Variants in SOCS5 observed in about 807,000 individuals in gnomAD.
The protein encoded by SOCS5 is suppressor of cytokine signaling 5.
A neutral mutation model predicts 42.8 loss-of-function variants in SOCS5; 32 were observed. That is an observed-to-expected ratio of 0.75 (90% CI 0.56 to 1.01). The LOEUF is 1.01. SOCS5 is among the 50% of genes least tolerant of loss of function. The pLI, the probability that SOCS5 is intolerant of heterozygous loss-of-function variation, is 0.00. For missense variants in SOCS5, 627 were observed against 653.0 expected (o/e 0.96, Z 0.43); for synonymous variants, 283 against 229.6 (o/e 1.23, Z -2.10).
At chr2:46,754,390 C>T (rs927182055) in intron 1 of SOCS5, among the ~76,000 whole-genome samples, 1 of 152,092 alleles carries the variant, frequency 6.6e-6, no homozygotes, top group Non-Finnish European at 1.5e-5. Flanking sequence ...AGAAGTATTT[C>T]ACTTTTATTG....
At chr2:46,716,046 A>G (rs1268613980) in intron 1 of SOCS5, among the ~76,000 whole-genome samples, 1 of 148,380 alleles carries the variant, frequency 6.7e-6, no homozygotes, top group East Asian at 1.9e-4. Context: ...TTTTTTTGTT[A>G]ATAGCTTCTT....
intron 1 of SOCS5, among the ~76,000 whole-genome samples, chr2:46,708,610 C>T (rs1672546369): frequency 6.6e-6 from 1 of 152,100 alleles, no homozygotes; most frequent in Non-Finnish European, 1.5e-5. Context: ...TAATATTTAC[C>T]TATTACCCAT....
intron 1 of SOCS5, among the ~76,000 whole-genome samples, chr2:46,723,867 A>G (rs941679988): frequency 6.6e-6 from 1 of 152,032 alleles, no homozygotes. Flanking sequence ...AAGAATTGAC[A>G]TCTTTACTGT....
At chr2:46,727,370 T>C (rs1035320593) in intron 1 of SOCS5, among the ~76,000 whole-genome samples, 2 of 152,196 alleles carry the variant, frequency 1.3e-5, no homozygotes, top group African/African-American at 4.8e-5. Context: ...TATTGTCCCA[T>C]GCAAGTTGAT....
chr2:46,721,569 C>T (rs1297342108), intron 1 of SOCS5, among the ~76,000 whole-genome samples: 2 of 152,090 alleles, frequency 1.3e-5, no homozygotes, highest in Non-Finnish European at 2.9e-5. Context: ...GAGCCTAGTG[C>T]TTCCACATTA....
rs189868354 is a variant in SOCS5, at chr2:46,712,686, A to T, written c.-13+13237A>T. On this transcript the variant is annotated intron_variant, in intron 1 of 1. Transcript: ENST00000394861. ...ATGAGTCTGCACTATTGAGACGCTT[A>T]TGTGGTATTTCTTCTTTATTCTATT... Among the ~76,000 whole-genome samples, 15 of 152,278 alleles carry T rather than the reference A, an allele frequency of 9.9e-5. No individual in the cohort carries two copies. In the East Asian group the frequency reaches 2.9e-3, roughly 29 times the overall value.
chr2:46,735,172 T>C (rs1026256306), intron 1 of SOCS5, among the ~76,000 whole-genome samples: 1 of 152,216 alleles, frequency 6.6e-6, no homozygotes, highest in African/African-American at 2.4e-5. Context: ...CTATCAAAGT[T>C]CAGAGTTTGC....
intron 1 of SOCS5, among the ~76,000 whole-genome samples, chr2:46,733,068 T>G (rs941539301): frequency 1.5e-4 from 23 of 151,666 alleles, no homozygotes; most frequent in African/African-American, 5.6e-4. Flanking sequence ...CATACTAGAT[T>G]CCTATTTTTG....
At chr2:46,710,513 G>A (rs977686475) in intron 1 of SOCS5, among the ~76,000 whole-genome samples, 3 of 152,050 alleles carry the variant, frequency 2.0e-5, no homozygotes, top group Non-Finnish European at 2.9e-5. Context: ...TTAAGTGTAT[G>A]TACAGTTGCA....
chr2:46,742,727 G>A lies in SOCS5; in HGVS notation c.-12-15792G>A, dbSNP rs149183192. On this transcript the variant is annotated intron_variant, in intron 1 of 1. Coordinates refer to ENST00000394861, the MANE Select transcript of SOCS5 (RefSeq NM_144949.3). ...GTCACCCAGGCTGGAGTGCAATGGCGCGATCTCGGCTCACTGCATCCTCTG... is the reference window on the plus strand; with the variant it reads ...GTCACCCAGGCTGGAGTGCAATGGCACGATCTCGGCTCACTGCATCCTCTG... Among the ~76,000 whole-genome samples the A allele has an allele frequency of 5.8e-3, 875 of 151,936 alleles. 15 individuals are homozygous for A. Among genetic ancestry groups the A allele is most frequent in the African/African-American group, 0.02 (837 of 41,406 alleles).
intron 1 of SOCS5, among the ~76,000 whole-genome samples, chr2:46,720,427 T>A (rs1672853209): frequency 2.0e-5 from 3 of 152,222 alleles, no homozygotes; most frequent in Admixed American, 2.0e-4. Flanking sequence ...GCATAGATTA[T>A]GTCTTACTGT....
At chr2:46,751,614 CTG>C (rs1407391240) in intron 1 of SOCS5, among the ~76,000 whole-genome samples, 1 of 151,876 alleles carries the variant, frequency 6.6e-6, no homozygotes, top group Non-Finnish European at 1.5e-5. Context: ...TTTAATTATT[CTG>C]TGTGTATATT....
At chr2:46,742,729 G>A (rs1356237193) in intron 1 of SOCS5, among the ~76,000 whole-genome samples, 4 of 151,860 alleles carry the variant, frequency 2.6e-5, no homozygotes, top group Admixed American at 1.3e-4. Flanking sequence ...GCAATGGCGC[G>A]ATCTCGGCTC....
intron 1 of SOCS5, among the ~76,000 whole-genome samples, chr2:46,723,055 G>C (rs960322545): frequency 6.6e-6 from 1 of 151,978 alleles, no homozygotes; most frequent in African/African-American, 2.4e-5. Context: ...CCAGGATACA[G>C]ATCCTGTGTC....
intron 1 of SOCS5, among the ~76,000 whole-genome samples, chr2:46,739,140 C>G (rs1445867015): frequency 1.3e-5 from 2 of 152,096 alleles, no homozygotes; most frequent in Non-Finnish European, 2.9e-5. Flanking sequence ...TTATTTGTGG[C>G]TTTCTCTCTC....
At chr2:46,702,249 C>A (rs1330368676) in intron 1 of SOCS5, among the ~76,000 whole-genome samples, 1 of 152,150 alleles carries the variant, frequency 6.6e-6, no homozygotes, top group African/African-American at 2.4e-5. Flanking sequence ...TTGCTGTACA[C>A]GCACTTTCAA....
At chr2:46,737,285 A>T (rs1673275443) in intron 1 of SOCS5, among the ~76,000 whole-genome samples, 1 of 152,184 alleles carries the variant, frequency 6.6e-6, no homozygotes, top group Non-Finnish European at 1.5e-5. Flanking sequence ...CAATCTGTGA[A>T]TTTCTATTCT....
In SOCS5 at chr2:46,760,543, A is replaced by C. The variant is rs1172913134; in HGVS notation, c.*402A>C. On this transcript the variant is annotated 3_prime_UTR_variant, in exon 2 of 2. Coordinates refer to ENST00000394861, the MANE Select transcript of SOCS5 (RefSeq NM_144949.3). Reference sequence around the variant, plus strand: ...TTATTTTTTCTAAGAGTTTTTCTATAACCTTCCAAAAGTCGTGATGTTTGT... The same window carrying C: ...TTATTTTTTCTAAGAGTTTTTCTATCACCTTCCAAAAGTCGTGATGTTTGT... 5.7e-6 allele frequency: 1 copy of C among 175,436 alleles called. No individual in the cohort carries two copies. The highest frequency in any genetic ancestry group is 1.4e-5 in the Non-Finnish European group (1 of 73,348). 10.9% of individuals were successfully genotyped at this position (175,436 alleles called of 1,614,324 possible). A position where few individuals can be genotyped will look rare whatever the true frequency, so the allele number is the denominator to read the frequency against.
intron 1 of SOCS5, among the ~76,000 whole-genome samples, chr2:46,723,041 A>T (rs986916983): frequency 2.6e-5 from 4 of 152,032 alleles, no homozygotes; most frequent in African/African-American, 9.7e-5. Context: ...AGTTCCTTAC[A>T]TATCCAGGAT....
Sources: gnomAD v4.1 joint callset for allele counts (sites outside exome capture counted in the v4.1 genomes callset) on GRCh38, gnomAD v4.1.1 for gene constraint, MANE v1.5 for transcripts, NCBI Gene and HGNC (gene_info 2026-07-23, HGNC 2026-07-21) for gene names.